Variants in HEBP1 observed in about 807,000 individuals in gnomAD.
HEBP1 encodes heme-binding protein 1.
HEBP1 carries 13 observed loss-of-function variants against 20.4 expected under a neutral mutation model. The observed-to-expected ratio is 0.64, with a 90% CI of 0.42 to 1.01. The LOEUF (loss-of-function observed/expected upper bound fraction) is 1.01. HEBP1 is among the 50% of genes least tolerant of loss of function. The pLI is 0.00. For missense variants in HEBP1, 241 were observed against 247.3 expected (o/e 0.97, Z 0.17); for synonymous variants, 92 against 90.7 (o/e 1.01, Z -0.08).
intron 3 of HEBP1, among the ~76,000 whole-genome samples, chr12:12,977,061 A>T (rs1441174470): frequency 6.6e-6 from 1 of 152,240 alleles, no homozygotes; most frequent in Non-Finnish European, 1.5e-5. Flanking sequence ...CTCTTTAAAT[A>T]CTGATTTTGG....
chr12:12,987,105 C>T lies in HEBP1; in HGVS notation c.398+47G>A, dbSNP rs190229744. ...GCCAGAGGTGATGCAAGGAGTGGTA[C>T]GGGAATCAAGCGCCACCCATGGATG... On this transcript the variant is annotated intron_variant, in intron 3 of 3. Transcript: ENST00000014930. The T allele has an allele frequency of 1.9e-3, 2,818 of 1,509,148 alleles. 22 individuals carry two copies. The highest frequency in any genetic ancestry group is 1.2e-3 in the Non-Finnish European group (1,297 of 1,093,648). 93.5% of individuals were successfully genotyped at this position (1,509,148 alleles called of 1,614,324 possible).
Position 12,989,381 on chromosome 12 carries a change from C to CTTT in HEBP1, c.112_113insAAA (p.Gly38delinsGluSer). 1.2e-6 allele frequency: 2 copies of CTTT among 1,614,230 alleles called. No individual in the cohort carries two copies. Among genetic ancestry groups the CTTT allele is most frequent in the Non-Finnish European group, 1.7e-6 (2 of 1,180,030 alleles). ...CACTTCTACTGTGGCAAATTTGCCG[C>CTTT]CTTCACAGGCCCTTTCTTCATAGGC... On this transcript the variant is annotated protein_altering_variant, in exon 2 of 4. Transcript: ENST00000014930.
chr12:12,984,618 T>C (rs1274734142), intron 3 of HEBP1: 1 of 152,070 alleles, frequency 6.6e-6, no homozygotes, highest in Non-Finnish European at 1.5e-5. Context: ...AATTCACAGA[T>C]TAATAAAAGC....
At position 12,996,867 on chromosome 12, in the gene HEBP1, A is replaced by C. The variant is rs531721064; in HGVS notation, c.78+3170T>G. Among the ~76,000 whole-genome samples the C allele has an allele frequency of 1.1e-4, 16 of 152,314 alleles. No individual in the cohort carries two copies. Among genetic ancestry groups the C allele is most frequent in the Admixed American group, 7.2e-4 (11 of 15,298 alleles). ...AATTGGTTATCTCATTTGAACTTCAAAACAATCTATTAATATATGAACTAT... is the reference window on the plus strand; with the variant it reads ...AATTGGTTATCTCATTTGAACTTCACAACAATCTATTAATATATGAACTAT... On this transcript the variant is annotated intron_variant, in intron 1 of 3. Transcript: ENST00000014930. This position sits in a 1 kb window ranked among gnomAD's most constrained non-coding sequence, Gnocchi z 4.1.
In HEBP1 at chr12:12,975,439, G is replaced by A. The variant is rs752594238; in HGVS notation, c.439C>T (p.Gln147Ter). 2.4e-5 allele frequency: 38 copies of A among 1,611,552 alleles called. No homozygotes were observed. The East Asian group carries it at 6.3e-4, about 27-fold the overall frequency. Reference protein sequence around the residue: ...GYAKEADYVAQATRLRAALEG... With the variant: ...GYAKEADYVA ...AGGGCAGCACGCAGACGGGTGGCTT[G>A]TGCTACGTAGTCTGCTTCCTTGGCA... is the stretch of plus-strand genomic sequence containing the variant. The change falls in exon 4 of 4, where the codon CAA (glutamine) becomes TAA (stop). Residue 147 changes from glutamine (Q) to a stop codon, truncating the protein, a stop_gained. Coordinates refer to ENST00000014930, the MANE Select transcript of HEBP1 (RefSeq NM_015987.5). LOFTEE classifies it high-confidence loss of function.
intron 1 of HEBP1, among the ~76,000 whole-genome samples, chr12:12,992,922 C>T (rs958477576): frequency 6.6e-6 from 1 of 152,134 alleles, no homozygotes. Context: ...ACCAGAGAGA[C>T]TAAGTTGCTC....
At position 12,996,359 on chromosome 12, in the gene HEBP1, G is replaced by C. The variant is rs1864290075; in HGVS notation, c.78+3678C>G. Among the ~76,000 whole-genome samples the C allele has an allele frequency of 6.6e-6, 1 of 152,124 alleles. No homozygotes were observed. The highest frequency in any genetic ancestry group is 1.5e-5 in the Non-Finnish European group (1 of 68,036). ...GTTACTAATATCAGTTCTGCTGTGA[G>C]CATCCAAAGGCCCACCCAATCCAAC... On this transcript the variant is annotated intron_variant, in intron 1 of 3. Coordinates refer to ENST00000014930, the MANE Select transcript of HEBP1 (RefSeq NM_015987.5). The surrounding 1 kb of genome is among the most constrained non-coding windows in gnomAD (Gnocchi z 4.1).
Position 12,996,561 on chromosome 12 carries a change from A to C in HEBP1, c.78+3476T>G, listed in dbSNP as rs1479769604. ...CCATCATTTGCCCAGGAGAGTGGAC[A>C]ATAGTTTCTGACCCAGGCTGTTTCC... On this transcript the variant is annotated intron_variant, in intron 1 of 3. Coordinates refer to ENST00000014930, the MANE Select transcript of HEBP1 (RefSeq NM_015987.5). The surrounding 1 kb of genome is among the most constrained non-coding windows in gnomAD (Gnocchi z 4.1). Among the ~76,000 whole-genome samples the C allele has an allele frequency of 6.6e-6, 1 of 152,142 alleles. No individual in the cohort carries two copies. The highest frequency in any genetic ancestry group is 1.5e-5 in the Non-Finnish European group (1 of 68,018).
intron 3 of HEBP1, among the ~76,000 whole-genome samples, chr12:12,977,828 T>A (rs1001620359): frequency 3.9e-5 from 6 of 152,234 alleles, no homozygotes; most frequent in Non-Finnish European, 8.8e-5. Context: ...TTGTTTATGG[T>A]TTGTGTCCTC....
chr12:12,979,313 T>A (rs1864043533), intron 3 of HEBP1: 1 of 152,336 alleles, frequency 6.6e-6, no homozygotes, highest in South Asian at 2.1e-4. Context: ...AAATTTTCCC[T>A]ATTGCTTCAT....
intron 3 of HEBP1, among the ~76,000 whole-genome samples, chr12:12,982,501 G>T (rs1476129766): frequency 2.0e-5 from 3 of 152,132 alleles, no homozygotes; most frequent in Non-Finnish European, 4.4e-5. Flanking sequence ...TTTAGCAGTT[G>T]AGCTCTTTCT....
At chr12:12,994,415 C>T (rs932303765) in intron 1 of HEBP1, among the ~76,000 whole-genome samples, 1 of 152,160 alleles carries the variant, frequency 6.6e-6, no homozygotes, top group Non-Finnish European at 1.5e-5. Context: ...CATTTGTGAC[C>T]TAAACATAGG....
intron 1 of HEBP1, among the ~76,000 whole-genome samples, chr12:12,993,462 C>T (rs1282965977): frequency 6.7e-6 from 1 of 148,306 alleles, no homozygotes; most frequent in Non-Finnish European, 1.5e-5. Context: ...TCCAAAGTGT[C>T]TTTGCTTTTT....
chr12:12,988,337 T>A (rs1160530100), intron 2 of HEBP1, among the ~76,000 whole-genome samples: 1 of 152,216 alleles, frequency 6.6e-6, no homozygotes, highest in African/African-American at 2.4e-5. Context: ...GTTAAGACAG[T>A]GTTAAGAAGG....
chr12:12,990,125 CACACACACACACACACACACACACAA>C (rs1864202257), intron 1 of HEBP1, among the ~76,000 whole-genome samples: 1 of 14,712 alleles, frequency 6.8e-5, no homozygotes, highest in African/African-American at 9.2e-5. Flanking sequence ...TGCACACACA[CACACACACACACACACACACACACAA>C]ACACACACAC....
At chr12:12,980,839 C>T (rs919227100) in intron 3 of HEBP1, among the ~76,000 whole-genome samples, 3 of 152,352 alleles carry the variant, frequency 2.0e-5, no homozygotes, top group Admixed American at 2.0e-4. Flanking sequence ...CCACCCTCTC[C>T]TAGTGGAAAT....
At chr12:12,979,915 A>G (rs1007870966) in intron 3 of HEBP1, 9 of 152,240 alleles carry the variant, frequency 5.9e-5, no homozygotes, top group African/African-American at 1.9e-4. Context: ...AAGGGGAAAG[A>G]TGACACAAGC....
chr12:13,000,055 G>A lies in HEBP1; in HGVS notation c.60C>T (p.Val20=), dbSNP rs751002073. 2.5e-6 allele frequency: 4 copies of A among 1,612,000 alleles called. No individual in the cohort carries two copies. Among genetic ancestry groups the A allele is most frequent in the Non-Finnish European group, 3.4e-6 (4 of 1,178,786 alleles). Reference sequence around the variant, plus strand: ...GGCCTACCTTGTCCCCTTTGCTTAGGACCTGCCAAGGCCACGTCTCTACGC... The same window carrying A: ...GGCCTACCTTGTCCCCTTTGCTTAGAACCTGCCAAGGCCACGTCTCTACGC... ...FGSVETWPWQ[V]LSKGDKEEVA... Residue 20 remains valine (V), a synonymous_variant, in exon 1 of 4, where the codon GTC becomes GTT. Transcript: ENST00000014930.
At chr12:12,999,428 G>A (rs1189679728) in intron 1 of HEBP1, among the ~76,000 whole-genome samples, 1 of 152,232 alleles carries the variant, frequency 6.6e-6, no homozygotes, top group East Asian at 1.9e-4. Flanking sequence ...CACCAAGCTA[G>A]CTACTAAGTG....
Sources: allele counts gnomAD v4.1 joint callset (sites outside exome capture counted in the v4.1 genomes callset), GRCh38; gene constraint gnomAD v4.1.1; non-coding constraint Gnocchi (gnomAD v3.1); transcripts MANE v1.5; gene names NCBI Gene and HGNC (gene_info 2026-07-23, HGNC 2026-07-21).